CNTLN: variants seen among roughly 807,000 people sequenced by gnomAD.
CNTLN encodes centlein, centrosomal protein.
A neutral mutation model predicts 180.0 loss-of-function variants in CNTLN; 212 were observed. The ratio of observed to expected loss-of-function variants is 1.18; its 90% CI spans 1.05 to 1.32. The LOEUF (loss-of-function observed/expected upper bound fraction) is 1.32. CNTLN is among the 40% of genes most tolerant of loss of function. The probability of loss-of-function intolerance (pLI) is 0.00; values close to 1 mark genes in which losing one functional copy is unlikely to be tolerated. For missense variants in CNTLN, 2,095 were observed against 1,610.9 expected (o/e 1.30, Z -5.14); for synonymous variants, 722 against 563.1 (o/e 1.28, Z -3.99).
At chr9:17,136,203 T>TTTA (rs1381843377) in intron 1 of CNTLN, among the ~76,000 whole-genome samples, 2 of 152,212 alleles carry the variant, frequency 1.3e-5, no homozygotes, top group African/African-American at 4.8e-5. Context: ...TACCAGAACC[T>TTTA]TTAGATAGGG....
intron 13 of CNTLN, among the ~76,000 whole-genome samples, chr9:17,370,803 A>T (rs1824255346): frequency 6.6e-6 from 1 of 152,120 alleles, no homozygotes; most frequent in Non-Finnish European, 1.5e-5. Context: ...GGCTGGACAA[A>T]GTTAAATAAT....
At chr9:17,318,336 A>C (rs1819674398) in intron 8 of CNTLN, among the ~76,000 whole-genome samples, 1 of 152,036 alleles carries the variant, frequency 6.6e-6, no homozygotes, top group African/African-American at 2.4e-5. Context: ...GCCCTAACTG[A>C]ATATTTTTAA....
At chr9:17,483,937 T>C (rs1832770844) in intron 23 of CNTLN, among the ~76,000 whole-genome samples, 1 of 152,146 alleles carries the variant, frequency 6.6e-6, no homozygotes, top group South Asian at 2.1e-4. Context: ...TATATGCACA[T>C]TGTGGAATAA....
chr9:17,380,748 C>A (rs947834099), intron 13 of CNTLN, among the ~76,000 whole-genome samples: 1 of 152,116 alleles, frequency 6.6e-6, no homozygotes, highest in African/African-American at 2.4e-5. Context: ...GTGTATCAGA[C>A]AATGCAAGAA....
At chr9:17,200,752 T>G (rs1041735114) in intron 2 of CNTLN, among the ~76,000 whole-genome samples, 9 of 152,160 alleles carry the variant, frequency 5.9e-5, no homozygotes, top group African/African-American at 2.2e-4. Context: ...TGATGGGGTT[T>G]TCTAAATATA....
chr9:17,418,956 A>G (rs918517276), intron 18 of CNTLN, among the ~76,000 whole-genome samples: 4 of 152,080 alleles, frequency 2.6e-5, no homozygotes, highest in Admixed American at 6.6e-5. Flanking sequence ...TTTCATTGCA[A>G]TGTGTTTTAA....
At chr9:17,460,532 TACTTA>T (rs1831390535) in intron 19 of CNTLN, among the ~76,000 whole-genome samples, 1 of 151,768 alleles carries the variant, frequency 6.6e-6, no homozygotes, top group Non-Finnish European at 1.5e-5. Context: ...TCAAGGAAAT[TACTTA>T]ACTTCTCTAG....
rs757096311 is a variant in CNTLN at position 17,486,974 on chromosome 9, A to ATTTT, written c.4042-10_4042-7dup. 3 of 1,489,574 alleles carry ATTTT rather than the reference A, an allele frequency of 2.0e-6. No individual in the cohort carries two copies. The highest frequency in any genetic ancestry group is 1.4e-5 in the African/African-American group (1 of 70,132). The allele number at this position is 1,489,574 out of a possible 1,614,324, so 92.3% of individuals were successfully genotyped here. On this transcript the variant is annotated splice_polypyrimidine_tract_variant and intron_variant, in intron 24 of 25. Coordinates refer to ENST00000380647, the MANE Select transcript of CNTLN (RefSeq NM_017738.4). ...AAATTTCGTTAACACCAGTGTTTTTATTTTTTTTCTTCAGGAAATTGAAAA... is the reference window on the plus strand; with the variant it reads ...AAATTTCGTTAACACCAGTGTTTTTATTTTTTTTTTTTCTTCAGGAAATTGAAAA...
intron 18 of CNTLN, among the ~76,000 whole-genome samples, chr9:17,433,475 G>T (rs1168189863): frequency 6.6e-6 from 1 of 151,606 alleles, no homozygotes; most frequent in Non-Finnish European, 1.5e-5. Context: ...TAGTAGAGAG[G>T]GGGTTTCACC....
chr9:17,294,761 G>GCCCA (rs931625159), intron 6 of CNTLN, among the ~76,000 whole-genome samples: 2 of 103,220 alleles, frequency 1.9e-5, no homozygotes, highest in Non-Finnish European at 4.1e-5. Context: ...CTGCGCAGGA[G>GCCCA]CCCACCGCGG....
intron 5 of CNTLN, among the ~76,000 whole-genome samples, chr9:17,249,167 A>G (rs558035404): frequency 1.3e-3 from 201 of 152,232 alleles, no homozygotes; most frequent in African/African-American, 4.8e-3. Flanking sequence ...ATACAAACTT[A>G]GGATATTAAT....
At chr9:17,254,397 T>A (rs983704879) in intron 5 of CNTLN, among the ~76,000 whole-genome samples, 1 of 151,616 alleles carries the variant, frequency 6.6e-6, no homozygotes, top group Non-Finnish European at 1.5e-5. Flanking sequence ...CATGATGTGT[T>A]TCTGCTATGT....
At chr9:17,245,706 C>T (rs763993999) in intron 5 of CNTLN, among the ~76,000 whole-genome samples, 34 of 152,028 alleles carry the variant, frequency 2.2e-4, no homozygotes, top group Non-Finnish European at 4.1e-4. Flanking sequence ...TTTTCTCAAT[C>T]TTGTGTGTGT....
chr9:17,466,127 T>C lies in CNTLN; in HGVS notation c.3669+9T>C. 1.3e-6 allele frequency: 2 copies of C among 1,591,844 alleles called. No individual in the cohort carries two copies. Among genetic ancestry groups the C allele is most frequent in the South Asian group, 2.3e-5 (2 of 88,568 alleles). On this transcript the variant is annotated intron_variant, in intron 22 of 25. Transcript: ENST00000380647. ...AGGAGTTAGAAAAAAAGGTATGCTT[T>C]TAAAAAGGGCATTTTAGATTACAGA...
chr9:17,135,181 C>T lies in CNTLN; in HGVS notation c.116C>T (p.Ser39Leu), dbSNP rs1296992017. Residue 39 changes from serine (S) to leucine (L), a missense_variant, in exon 1 of 26, where the codon TCG (serine) becomes TTG (leucine). Coordinates refer to ENST00000380647, the MANE Select transcript of CNTLN (RefSeq NM_017738.4). ...GTACACGCAATGCGCAGCGAGGCCT[C>T]GGGTTTTGCCGGCGCAGCGCGGGAG... is the stretch of plus-strand genomic sequence containing the variant. ...AEVHAMRSEASGFAGAAREVV... is the reference protein window; with the variant it reads ...AEVHAMRSEALGFAGAAREVV... The T allele has an allele frequency of 3.1e-6, 5 of 1,610,242 alleles. No individual in the cohort carries two copies. In the African/African-American group the frequency reaches 5.3e-5, roughly 17 times the overall value.
At chr9:17,144,530 A>G (rs1463244313) in intron 2 of CNTLN, among the ~76,000 whole-genome samples, 3 of 152,014 alleles carry the variant, frequency 2.0e-5, no homozygotes, top group South Asian at 2.1e-4. Flanking sequence ...TTCTAAACCT[A>G]TCCATAATTT....
At chr9:17,377,118 A>G (rs2133551469) in intron 13 of CNTLN, among the ~76,000 whole-genome samples, 1 of 152,326 alleles carries the variant, frequency 6.6e-6, no homozygotes, top group East Asian at 1.9e-4. Context: ...TTTATATATT[A>G]CAAGAATAAT....
chr9:17,198,692 C>G (rs1422779877), intron 2 of CNTLN, among the ~76,000 whole-genome samples: 2 of 151,510 alleles, frequency 1.3e-5, no homozygotes, highest in African/African-American at 2.4e-5. Flanking sequence ...CCCCCACTCC[C>G]CAACAGGCCC....
intron 1 of CNTLN, among the ~76,000 whole-genome samples, chr9:17,140,654 C>T (rs1818027146): frequency 6.6e-6 from 1 of 152,186 alleles, no homozygotes; most frequent in South Asian, 2.1e-4. Flanking sequence ...GTTGCCCAGG[C>T]CAGTCTCAAA....
Sources: allele counts gnomAD v4.1 joint callset (sites outside exome capture counted in the v4.1 genomes callset), GRCh38; gene constraint gnomAD v4.1.1; transcripts MANE v1.5; gene names NCBI Gene and HGNC (gene_info 2026-07-23, HGNC 2026-07-21).